PABPN1L: variants seen among roughly 807,000 people sequenced by gnomAD.
PABPN1L encodes embryonic polyadenylate-binding protein 2.
A neutral mutation model predicts 34.0 loss-of-function variants in PABPN1L; 45 were observed. The ratio of observed to expected loss-of-function variants is 1.32; its 90% CI spans 1.04 to 1.70. The LOEUF (loss-of-function observed/expected upper bound fraction) is 1.70. PABPN1L is among the 40% of genes most tolerant of loss of function. The probability of loss-of-function intolerance (pLI) is 0.00; values close to 1 mark genes in which losing one functional copy is unlikely to be tolerated. For missense variants in PABPN1L, 459 were observed against 367.8 expected, an observed-to-expected ratio of 1.25 and a Z score of -2.03; for synonymous variants, 182 against 152.1, an observed-to-expected ratio of 1.20 and a Z score of -1.45.
chr16:88,863,682 A>C, exon 7 of PABPN1L: 3 of 1,504,484 alleles, frequency 2.0e-6, no homozygotes, highest in Non-Finnish European at 2.7e-6. Flanking sequence ...TCCCTGCCCC[A>C]GCCCCAGGAT....
At chr16:88,865,843 G>A in exon 2 of PABPN1L, 1 of 1,609,860 alleles carries the variant, frequency 6.2e-7, no homozygotes, top group Non-Finnish European at 8.5e-7. Context: ...CGGCCGCGGT[G>A]CCCTCCTCTT....
chr16:88,866,071 T>G, intron 1 of PABPN1L, 130 bp from the exon 2 acceptor site: 1 of 1,381,276 alleles, frequency 7.2e-7, no homozygotes, highest in South Asian at 1.5e-5. Flanking sequence ...ACAGGGACAC[T>G]CCTTCCTGGG....
At chr16:88,866,641 G>A (rs993490761), upstream of PABPN1L, 63 of 1,505,304 alleles carry the variant, frequency 4.2e-5, no homozygotes, top group Non-Finnish European at 5.2e-5. Flanking sequence ...GCCAGGCGAG[G>A]CCTCCCCTCC....
chr16:88,865,463 C>T, intron 3 of PABPN1L, 100 bp downstream of exon 3: 1 of 1,462,588 alleles, frequency 6.8e-7, no homozygotes, highest in South Asian at 1.2e-5. Flanking sequence ...GTCAGACCCC[C>T]TTCCCAGCAA....
intron 1 of PABPN1L, 57 bp from the exon 2 acceptor site, chr16:88,865,998 G>GT (rs1328715921): frequency 5.3e-6 from 8 of 1,512,822 alleles, no homozygotes; most frequent in Non-Finnish European, 6.2e-6. Flanking sequence ...CTCAAGGAAG[G>GT]TGGGTGTGTG....
chr16:88,864,744 C>T, intron 5 of PABPN1L, 109 bp downstream of exon 5: 1 of 1,243,916 alleles, frequency 8.0e-7, no homozygotes, highest in Non-Finnish European at 1.1e-6. Context: ...AGCACCGTGC[C>T]TGAGACACGC....
intron 5 of PABPN1L, 89 bp from the exon 6 acceptor site, chr16:88,864,468 G>T: frequency 1.4e-6 from 2 of 1,467,260 alleles, no homozygotes. Flanking sequence ...CCGGAGCATG[G>T]GGTCCTGCCC....
intron 1 of PABPN1L, 93 bp from the exon 2 acceptor site, chr16:88,866,034 CA>C: frequency 6.8e-7 from 1 of 1,461,736 alleles, no homozygotes; most frequent in South Asian, 1.4e-5. Flanking sequence ...CAGAGGGTCA[CA>C]GCCCCAAGGG....
At chr16:88,865,149 G>A in intron 3 of PABPN1L, 21 bp from the exon 4 acceptor site, 3 of 1,555,030 alleles carry the variant, frequency 1.9e-6, no homozygotes, top group Non-Finnish European at 2.6e-6. Context: ...GCCCAGACCA[G>A]CATGTGAGGG....
In PABPN1L at chr16:88,866,258, C is replaced by T. The variant is rs892637954; in HGVS notation, c.255+94G>A. 3.4e-5 allele frequency: 50 copies of T among 1,469,542 alleles called. No homozygotes were observed. In the South Asian group the frequency reaches 6.7e-4, roughly 20 times the overall value. The allele number at this position is 1,469,542 out of a possible 1,614,324, so 91.0% of individuals were successfully genotyped here. ...GCAATGGCCCTCTCCCCTCCTAAGTCAGCTGCAGCCATCCGTCACCCAGAC... is the reference window on the plus strand; with the variant it reads ...GCAATGGCCCTCTCCCCTCCTAAGTTAGCTGCAGCCATCCGTCACCCAGAC... On this transcript the variant is annotated intron_variant, in intron 1 of 6. Transcript: ENST00000419291.
intron 3 of PABPN1L, 38 bp from the exon 4 acceptor site, chr16:88,865,166 C>G: frequency 6.5e-7 from 1 of 1,542,648 alleles, no homozygotes; most frequent in Non-Finnish European, 8.8e-7. Context: ...AGGGAGACGC[C>G]TGGCCCTGAC....
At chr16:88,866,110 G>T (rs529431574) in intron 1 of PABPN1L, among the ~76,000 whole-genome samples, 169 bp from the exon 2 acceptor site, 1 of 152,342 alleles carries the variant, frequency 6.6e-6, no homozygotes, top group East Asian at 1.9e-4. Flanking sequence ...ACTCGCCCCT[G>T]CAGAGAAGCC....
chr16:88,868,560 C>G (rs949006191), upstream of PABPN1L, among the ~76,000 whole-genome samples: 2 of 152,012 alleles, frequency 1.3e-5, no homozygotes, highest in African/African-American at 4.8e-5. Context: ...GAGCCGAGAT[C>G]GCGCCACTGC....
Position 88,865,141 on chromosome 16 carries a change from C to G in PABPN1L, c.460-13G>C. ...CCCCGTAGTCCACCTGCACCCAGGC[C>G]CAGACCAGCATGTGAGGGAGACGCC... On this transcript the variant is annotated splice_polypyrimidine_tract_variant and intron_variant, in intron 3 of 6. Transcript: ENST00000419291. 6.4e-7 allele frequency: 1 copy of G among 1,559,908 alleles called. No homozygotes were observed. Among genetic ancestry groups the G allele is most frequent in the Non-Finnish European group, 8.7e-7 (1 of 1,152,650 alleles).
intron 1 of PABPN1L, 82 bp from the exon 2 acceptor site, chr16:88,866,023 G>A: frequency 1.4e-6 from 2 of 1,472,712 alleles, no homozygotes; most frequent in South Asian, 2.7e-5. Flanking sequence ...GCCAGCTCCA[G>A]CAGAGGGTCA....
exon 7 of PABPN1L, chr16:88,863,747 G>A: frequency 6.5e-7 from 1 of 1,536,062 alleles, no homozygotes; most frequent in South Asian, 1.2e-5. Context: ...TCAAAATCGG[G>A]TCTTCCCTTT....
chr16:88,865,185 T>A, intron 3 of PABPN1L, 57 bp from the exon 4 acceptor site: 1 of 1,512,830 alleles, frequency 6.6e-7, no homozygotes, highest in Middle Eastern at 2.1e-4. Context: ...ACTCGGGGCC[T>A]TCTTGTTAGA....
intron 5 of PABPN1L, 89 bp from the exon 6 acceptor site, chr16:88,864,468 G>A: frequency 1.4e-6 from 2 of 1,467,258 alleles, no homozygotes; most frequent in Non-Finnish European, 1.8e-6. Context: ...CCGGAGCATG[G>A]GGTCCTGCCC....
chr16:88,865,791 G>A lies in PABPN1L; in HGVS notation c.391+15C>T, dbSNP rs754473346. The stretch of plus-strand genomic sequence containing the variant: ...CCTTGCTCAGTGGGGGGCGGCCTGT[G>A]CCCTTGGTTCCTACCCACGGTCTCA... On this transcript the variant is annotated intron_variant, in intron 2 of 6. Coordinates refer to ENST00000419291, the Ensembl canonical transcript of PABPN1L. 1 of 1,596,580 alleles carries A rather than the reference G, an allele frequency of 6.3e-7. No homozygotes were observed. The highest frequency in any genetic ancestry group is 1.1e-5 in the South Asian group (1 of 89,132).
Sources: gnomAD v4.1 joint callset for allele counts (sites outside exome capture counted in the v4.1 genomes callset) on GRCh38, gnomAD v4.1.1 for gene constraint, MANE v1.5 for transcripts, NCBI Gene and HGNC (gene_info 2026-07-23, HGNC 2026-07-21) for gene names.